The following TJP1 variants were observed in gnomAD, a reference collection of about 807,000 sequenced individuals.
TJP1 encodes tight junction protein ZO-1.
In TJP1, 43 loss-of-function variants were observed where a neutral mutation model predicts 194.2. That is an observed-to-expected ratio of 0.22 (90% CI 0.17 to 0.29). TJP1 has a LOEUF of 0.29. Ranked by LOEUF, TJP1 falls within the 10% of genes least tolerant of loss-of-function variation. The pLI, the probability that TJP1 is intolerant of heterozygous loss-of-function variation, is 1.00. For synonymous variants in TJP1, 801 were observed against 779.0 expected (o/e 1.03, Z -0.47); for missense variants, 1,971 against 2,185.7 (o/e 0.90, Z 1.96).
intron 1 of TJP1, among the ~76,000 whole-genome samples, chr15:29,809,957 T>C (rs576275808): frequency 1.3e-5 from 2 of 152,356 alleles, no homozygotes; most frequent in East Asian, 3.9e-4. Context: ...TAGAGATATA[T>C]ATTCAGACAC....
At chr15:29,909,889 T>A (rs567280676) in intron 2 of TJP1, among the ~76,000 whole-genome samples, 47 of 152,262 alleles carry the variant, frequency 3.1e-4, no homozygotes, top group Admixed American at 4.6e-4. Flanking sequence ...GTTAAGTTGT[T>A]GGAGGCAGAG....
At chr15:29,811,420 T>A (rs1441867403) in intron 1 of TJP1, among the ~76,000 whole-genome samples, 2 of 67,730 alleles carry the variant, frequency 3.0e-5, no homozygotes, top group East Asian at 9.6e-4. Context: ...GAGGGAGGAT[T>A]ACTTGGGTGG....
intron 2 of TJP1, among the ~76,000 whole-genome samples, chr15:29,931,142 ATGT>A (rs2054698014): frequency 1.3e-5 from 2 of 152,216 alleles, no homozygotes; most frequent in Admixed American, 6.5e-5. Context: ...AGGAAAGAAA[ATGT>A]TGTTAAAAAA....
At chr15:29,949,517 TCCACCACCACCACCTCCACCACCACC>T (rs2055497815) in intron 2 of TJP1, among the ~76,000 whole-genome samples, 1 of 20,760 alleles carries the variant, frequency 4.8e-5, no homozygotes, top group Non-Finnish European at 8.8e-5. Flanking sequence ...CACCTCCACC[TCCACCACCACCACCTCCACCACCACC>T]ACCTCCACAA....
intron 11 of TJP1, 21 bp from the exon 12 acceptor site, chr15:29,734,403 A>C (rs759449131): frequency 1.9e-6 from 3 of 1,548,372 alleles, no homozygotes; most frequent in South Asian, 1.1e-5. Context: ...AGATTTCATA[A>C]ATCATTCTTG....
chr15:29,811,434 TG>T (rs1224198878), intron 1 of TJP1, among the ~76,000 whole-genome samples: 1 of 10,414 alleles, frequency 9.6e-5, no homozygotes, highest in Non-Finnish European at 2.0e-4. Flanking sequence ...TGGGTGGGGG[TG>T]GGGGGGTGGT....
At chr15:29,753,483 CAAAAAAAAAA>C (rs34221786) in intron 8 of TJP1, among the ~76,000 whole-genome samples, 3 of 47,938 alleles carry the variant, frequency 6.3e-5, no homozygotes, top group Non-Finnish European at 1.2e-4. Flanking sequence ...GACTCTGTGT[CAAAAAAAAAA>C]AAAAAAAAAA....
chr15:29,728,342 T>A (rs1197021648), intron 15 of TJP1: 1 of 230,472 alleles, frequency 4.3e-6, no homozygotes, highest in Non-Finnish European at 8.5e-6. Flanking sequence ...TTTCACACTG[T>A]AACATCCAGA....
chr15:29,882,847 C>A (rs907590040), intron 2 of TJP1, among the ~76,000 whole-genome samples: 16 of 152,182 alleles, frequency 1.1e-4, no homozygotes, highest in African/African-American at 3.9e-4. Flanking sequence ...GGCCACCTGG[C>A]TGCTTCCCAC....
chr15:29,928,670 A>G (rs534471280), intron 2 of TJP1, among the ~76,000 whole-genome samples: 179 of 152,244 alleles, frequency 1.2e-3, no homozygotes, highest in African/African-American at 4.2e-3. Context: ...TCGGCCGGGC[A>G]CGGTGGCTCA....
intron 2 of TJP1, among the ~76,000 whole-genome samples, chr15:29,773,998 C>T (rs889565017): frequency 2.6e-5 from 4 of 151,902 alleles, no homozygotes; most frequent in Non-Finnish European, 4.4e-5. Flanking sequence ...CAGGACAGGC[C>T]GGTATAGAAA....
intron 5 of TJP1, among the ~76,000 whole-genome samples, chr15:29,765,756 G>C (rs1233094366): frequency 6.6e-6 from 1 of 152,138 alleles, no homozygotes; most frequent in Non-Finnish European, 1.5e-5. Flanking sequence ...GCTGGACATG[G>C]TGGCATGTAC....
At chr15:29,917,152 G>A (rs1466588351) in intron 2 of TJP1, among the ~76,000 whole-genome samples, 2 of 152,154 alleles carry the variant, frequency 1.3e-5, no homozygotes, top group Non-Finnish European at 2.9e-5. Context: ...AAAAGGATAC[G>A]ACCTTGAAGG....
At chr15:29,954,904 C>T (rs1373401352) in intron 2 of TJP1, among the ~76,000 whole-genome samples, 1 of 151,976 alleles carries the variant, frequency 6.6e-6, no homozygotes, top group Non-Finnish European at 1.5e-5. Flanking sequence ...GATGGTGAAA[C>T]CCTGTCTCTA....
At chr15:29,782,397 T>TAA (rs770890402) in intron 2 of TJP1, among the ~76,000 whole-genome samples, 9 of 152,040 alleles carry the variant, frequency 5.9e-5, no homozygotes, top group Non-Finnish European at 1.2e-4. Context: ...AGGCCACACA[T>TAA]ACGACCATCT....
intron 2 of TJP1, among the ~76,000 whole-genome samples, chr15:29,846,760 C>A (rs1243692684): frequency 6.6e-6 from 1 of 151,984 alleles, no homozygotes; most frequent in Non-Finnish European, 1.5e-5. Context: ...CCCATCTCTA[C>A]TAAAAATACA....
intron 26 of TJP1, among the ~76,000 whole-genome samples, chr15:29,704,514 G>A (rs894016555): frequency 6.6e-6 from 1 of 152,200 alleles, no homozygotes. Flanking sequence ...AAAGAAACAA[G>A]TGATATCAAA....
intron 8 of TJP1, among the ~76,000 whole-genome samples, chr15:29,744,102 C>G (rs1442951578): frequency 6.6e-6 from 1 of 152,076 alleles, no homozygotes; most frequent in Non-Finnish European, 1.5e-5. Flanking sequence ...TCAATTGAAC[C>G]CAGGAGGCAG....
At chr15:29,936,252 C>T (rs1447587127) in intron 2 of TJP1, among the ~76,000 whole-genome samples, 1 of 151,988 alleles carries the variant, frequency 6.6e-6, no homozygotes, top group East Asian at 1.9e-4. Flanking sequence ...AACACTCTCC[C>T]ACTTAAAAAA....
Sources: allele counts gnomAD v4.1 joint callset (sites outside exome capture counted in the v4.1 genomes callset), GRCh38; gene constraint gnomAD v4.1.1; transcripts MANE v1.5; gene names NCBI Gene and HGNC (gene_info 2026-07-23, HGNC 2026-07-21).